SUMF1: variants seen among roughly 807,000 people sequenced by gnomAD.
SUMF1 encodes the protein formylglycine-generating enzyme.
In SUMF1, 48 loss-of-function variants were observed where a neutral mutation model predicts 47.6. The observed-to-expected ratio is 1.01, with a 90% CI of 0.80 to 1.28. The LOEUF (loss-of-function observed/expected upper bound fraction) is 1.28. SUMF1 is among the 50% of genes most tolerant of loss of function. The pLI is 0.00. For missense variants in SUMF1, 571 were observed against 485.4 expected (o/e 1.18, Z -1.66); for synonymous variants, 230 against 192.1 (o/e 1.20, Z -1.63).
chr3:4,355,883 GC>G (rs1344184809), intron 8 of SUMF1, among the ~76,000 whole-genome samples: 1 of 152,156 alleles, frequency 6.6e-6, no homozygotes, highest in African/African-American at 2.4e-5. Context: ...TACTTTGGGG[GC>G]AGATTAGAAT....
intron 8 of SUMF1, among the ~76,000 whole-genome samples, chr3:4,077,795 T>C (rs1454298444): frequency 6.6e-6 from 1 of 152,064 alleles, no homozygotes; most frequent in East Asian, 1.9e-4. Flanking sequence ...CCCCAGAACT[T>C]AAAGTATAAT....
intron 8 of SUMF1, among the ~76,000 whole-genome samples, chr3:4,163,631 G>A (rs894942015): frequency 6.6e-6 from 1 of 151,048 alleles, no homozygotes; most frequent in Non-Finnish European, 1.5e-5. Context: ...CTTTGTATGA[G>A]AGGAAATTGA....
rs370606679 is a variant in SUMF1, at chr3:4,313,279, A to G, written c.1014+63051T>C. The G allele has an allele frequency of 4.3e-6, 7 of 1,613,832 alleles. No individual in the cohort carries two copies. In the East Asian group the frequency reaches 8.9e-5, roughly 21 times the overall value. On this transcript the variant is annotated intron_variant and NMD_transcript_variant, in intron 8 of 12. Coordinates refer to the SUMF1 transcript ENST00000448413. ...GGTTTTAGGATTCTCTGAAGTTCAG[A>G]GAAGAATTCACTTACAAACAAAATC...
intron 8 of SUMF1, among the ~76,000 whole-genome samples, chr3:4,181,734 C>A (rs1269395716): frequency 6.6e-6 from 1 of 152,084 alleles, no homozygotes; most frequent in Admixed American, 6.5e-5. Context: ...GTCTCAGGGT[C>A]TAAAGGCATG....
At chr3:4,205,984 C>T (rs771497658) in intron 8 of SUMF1, among the ~76,000 whole-genome samples, 4 of 152,076 alleles carry the variant, frequency 2.6e-5, no homozygotes, top group Non-Finnish European at 4.4e-5. Flanking sequence ...GATGATGAAT[C>T]TTGCAAGGAC....
At chr3:4,333,295 G>A (rs1699083973) in intron 8 of SUMF1, among the ~76,000 whole-genome samples, 1 of 152,172 alleles carries the variant, frequency 6.6e-6, no homozygotes, top group South Asian at 2.1e-4. Flanking sequence ...TCCTGCACCT[G>A]TCTGTCTGCA....
chr3:4,229,582 T>A (rs929813684), intron 8 of SUMF1, among the ~76,000 whole-genome samples: 6 of 152,296 alleles, frequency 3.9e-5, no homozygotes, highest in African/African-American at 1.4e-4. Flanking sequence ...TTTAGCATAA[T>A]GCCTGACACA....
At chr3:4,458,525 C>A (rs181860110) in intron 1 of SUMF1, among the ~76,000 whole-genome samples, 2 of 151,870 alleles carry the variant, frequency 1.3e-5, no homozygotes, top group East Asian at 3.9e-4. Flanking sequence ...TTTATATATA[C>A]ATATATATAT....
chr3:4,211,818 G>A (rs1695802004), intron 8 of SUMF1, among the ~76,000 whole-genome samples: 1 of 152,184 alleles, frequency 6.6e-6, no homozygotes, highest in Admixed American at 6.5e-5. Flanking sequence ...AAAGCAGCCA[G>A]GAAGTTCGAA....
intron 8 of SUMF1, among the ~76,000 whole-genome samples, chr3:4,205,110 G>A (rs1186928017): frequency 6.6e-6 from 1 of 152,056 alleles, no homozygotes; most frequent in Non-Finnish European, 1.5e-5. Flanking sequence ...CCACAGAAGT[G>A]AAAATAGCCT....
intron 9 of SUMF1, among the ~76,000 whole-genome samples, chr3:4,043,085 C>T (rs974326791): frequency 6.6e-6 from 1 of 152,118 alleles, no homozygotes; most frequent in Non-Finnish European, 1.5e-5. Context: ...GGCTCTCCCC[C>T]TGCCTCAGCA....
intron 9 of SUMF1, among the ~76,000 whole-genome samples, chr3:4,055,075 A>T (rs1398483754): frequency 1.3e-5 from 2 of 152,294 alleles, no homozygotes; most frequent in South Asian, 2.1e-4. Context: ...CGTGTTGTTG[A>T]AACAGATACT....
intron 8 of SUMF1, among the ~76,000 whole-genome samples, chr3:4,204,149 A>G (rs7624988): frequency 8.6e-5 from 13 of 151,708 alleles, no homozygotes; most frequent in African/African-American, 2.7e-4. Context: ...TCCTTTTAAC[A>G]TTTCTTCTTG....
intron 8 of SUMF1, among the ~76,000 whole-genome samples, chr3:4,215,221 G>A (rs1449235637): frequency 6.6e-6 from 1 of 152,144 alleles, no homozygotes; most frequent in African/African-American, 2.4e-5. Context: ...CTTCATCTCT[G>A]GGATGCAAGG....
chr3:4,231,450 T>C (rs1696297599), intron 8 of SUMF1, among the ~76,000 whole-genome samples: 1 of 152,168 alleles, frequency 6.6e-6, no homozygotes, highest in Admixed American at 6.5e-5. Flanking sequence ...ATGCTACTAA[T>C]ACATTATTTC....
chr3:4,253,052 T>A (rs1696843094), intron 8 of SUMF1, among the ~76,000 whole-genome samples: 1 of 152,212 alleles, frequency 6.6e-6, no homozygotes, highest in Non-Finnish European at 1.5e-5. Context: ...AGTTTTAAAT[T>A]TTTTAAAAAT....
chr3:4,066,077 A>C (rs1358814900), intron 9 of SUMF1, among the ~76,000 whole-genome samples: 1 of 152,124 alleles, frequency 6.6e-6, no homozygotes, highest in African/African-American at 2.4e-5. Flanking sequence ...CCTGGGGCAT[A>C]AAGCAGGGTA....
intron 8 of SUMF1, among the ~76,000 whole-genome samples, chr3:4,326,274 G>A (rs1698943136): frequency 1.3e-5 from 2 of 152,132 alleles, no homozygotes; most frequent in South Asian, 4.1e-4. Flanking sequence ...TGGCCAATAG[G>A]CTTTTTTTAA....
At chr3:4,298,625 C>G (rs950890312) in intron 8 of SUMF1, among the ~76,000 whole-genome samples, 1 of 152,178 alleles carries the variant, frequency 6.6e-6, no homozygotes, top group Non-Finnish European at 1.5e-5. Context: ...TCTTATAATT[C>G]TTTTCTCACA....
Sources: gnomAD v4.1 joint callset for allele counts (sites outside exome capture counted in the v4.1 genomes callset) on GRCh38, gnomAD v4.1.1 for gene constraint, MANE v1.5 for transcripts, NCBI Gene and HGNC (gene_info 2026-07-23, HGNC 2026-07-21) for gene names.